Variants in PRKG1 observed in about 807,000 individuals in gnomAD.
The protein encoded by PRKG1 is cGMP-dependent protein kinase 1.
PRKG1 carries 35 observed loss-of-function variants against 88.1 expected under a neutral mutation model. The observed-to-expected ratio is 0.40, with a 90% CI of 0.30 to 0.53. PRKG1 has a LOEUF of 0.53. Among genes scored for constraint, PRKG1 ranks in the 20% least tolerant of loss-of-function variants. PRKG1 has a pLI of 0.59. For synonymous variants in PRKG1, 303 were observed against 292.5 expected, an observed-to-expected ratio of 1.04 and a Z score of -0.37; for missense variants, 540 against 839.8, an observed-to-expected ratio of 0.64 and a Z score of 4.41.
At chr10:52,074,780 C>T (rs944789369) in intron 7 of PRKG1, among the ~76,000 whole-genome samples, 8 of 152,124 alleles carry the variant, frequency 5.3e-5, no homozygotes, top group African/African-American at 1.9e-4. Context: ...ACTTCTGATG[C>T]CTACAAAAGA....
intron 3 of PRKG1, among the ~76,000 whole-genome samples, chr10:51,566,213 C>T (rs1488347049): frequency 6.6e-6 from 1 of 152,068 alleles, no homozygotes; most frequent in Admixed American, 6.6e-5. Flanking sequence ...AGACTTGGCA[C>T]TTGACTATGA....
chr10:51,862,511 G>A (rs1349624045), intron 4 of PRKG1, among the ~76,000 whole-genome samples: 2 of 152,152 alleles, frequency 1.3e-5, no homozygotes, highest in African/African-American at 2.4e-5. Context: ...CCCTCTGTGT[G>A]AGAAGGGGCC....
intron 4 of PRKG1, among the ~76,000 whole-genome samples, chr10:51,847,747 A>C (rs1227498227): frequency 6.9e-6 from 1 of 145,318 alleles, no homozygotes; most frequent in African/African-American, 2.5e-5. Flanking sequence ...GTGGTAGTGC[A>C]TGCCTGTAGT....
At chr10:51,895,447 T>A (rs1841820128) in intron 4 of PRKG1, among the ~76,000 whole-genome samples, 1 of 152,076 alleles carries the variant, frequency 6.6e-6, no homozygotes, top group Non-Finnish European at 1.5e-5. Context: ...ATGGGCCTGT[T>A]TCCCAGGCTT....
chr10:51,189,510 C>A (rs530783996), intron 2 of PRKG1, among the ~76,000 whole-genome samples: 1 of 151,872 alleles, frequency 6.6e-6, no homozygotes, highest in African/African-American at 2.4e-5. Flanking sequence ...GCCCATGGAG[C>A]TCACCCATAT....
At chr10:51,710,497 A>T (rs1013378984) in intron 3 of PRKG1, among the ~76,000 whole-genome samples, 80 of 152,182 alleles carry the variant, frequency 5.3e-4, no homozygotes, top group African/African-American at 1.9e-3. Context: ...CTCCTCACAC[A>T]CCCCTTCATC....
At chr10:51,168,055 T>C (rs1846596919) in intron 2 of PRKG1, among the ~76,000 whole-genome samples, 1 of 152,192 alleles carries the variant, frequency 6.6e-6, no homozygotes, top group African/African-American at 2.4e-5. Flanking sequence ...TATTTTCAAT[T>C]CTTTATGAGA....
intron 14 of PRKG1, among the ~76,000 whole-genome samples, chr10:52,287,287 T>G (rs1442177031): frequency 1.3e-5 from 2 of 152,056 alleles, no homozygotes; most frequent in Non-Finnish European, 2.9e-5. Flanking sequence ...TTTGCATGTT[T>G]ATACATTTTT....
chr10:51,919,721 T>C (rs1005091569), intron 5 of PRKG1, among the ~76,000 whole-genome samples: 1 of 152,052 alleles, frequency 6.6e-6, no homozygotes, highest in Non-Finnish European at 1.5e-5. Context: ...TACTCTATCC[T>C]GTTTGTTGTT....
chr10:51,426,485 A>G (rs1358286807), intron 2 of PRKG1, among the ~76,000 whole-genome samples: 1 of 152,200 alleles, frequency 6.6e-6, no homozygotes, highest in Non-Finnish European at 1.5e-5. Flanking sequence ...ATAAAAGAGC[A>G]TTATATACTA....
At chr10:51,257,401 C>G (rs577529185) in intron 2 of PRKG1, among the ~76,000 whole-genome samples, 119 of 152,222 alleles carry the variant, frequency 7.8e-4, no homozygotes, top group African/African-American at 2.8e-3. Context: ...ACATGTTTAT[C>G]TCAATACATA....
intron 9 of PRKG1, among the ~76,000 whole-genome samples, chr10:52,246,226 G>C (rs181346025): frequency 6.6e-6 from 1 of 152,198 alleles, no homozygotes; most frequent in African/African-American, 2.4e-5. Context: ...TGAATAATAA[G>C]GGACACTTGA....
At chr10:52,083,466 G>T (rs569534497) in intron 7 of PRKG1, among the ~76,000 whole-genome samples, 96 of 152,082 alleles carry the variant, frequency 6.3e-4, no homozygotes, top group African/African-American at 2.2e-3. Flanking sequence ...TATGTGATCC[G>T]GAACACTTTA....
At chr10:52,258,374 A>G (rs1295202348) in intron 10 of PRKG1, among the ~76,000 whole-genome samples, 3 of 141,008 alleles carry the variant, frequency 2.1e-5, no homozygotes, top group African/African-American at 7.4e-5. Context: ...TCCAAGAAAT[A>G]TTATTTCTTT....
At chr10:51,005,195 G>C (rs1842929046) in intron 1 of PRKG1, among the ~76,000 whole-genome samples, 1 of 152,022 alleles carries the variant, frequency 6.6e-6, no homozygotes, top group African/African-American at 2.4e-5. Context: ...AATCATTTTG[G>C]GGGAGGAGGA....
At chr10:51,957,727 G>A (rs1413599569) in intron 5 of PRKG1, among the ~76,000 whole-genome samples, 1 of 152,132 alleles carries the variant, frequency 6.6e-6, no homozygotes, top group Non-Finnish European at 1.5e-5. Flanking sequence ...TACAAAATAT[G>A]TGTTCAATTC....
At chr10:51,544,170 A>G (rs373982621) in intron 3 of PRKG1, among the ~76,000 whole-genome samples, 1 of 151,186 alleles carries the variant, frequency 6.6e-6, no homozygotes, top group African/African-American at 2.4e-5. Context: ...TGACATTTAC[A>G]TTAGGTTTTT....
chr10:51,783,264 A>G (rs1287563305), intron 3 of PRKG1, among the ~76,000 whole-genome samples: 3 of 151,980 alleles, frequency 2.0e-5, no homozygotes, highest in East Asian at 1.9e-4. Flanking sequence ...CCTTAGACCA[A>G]TGGCTCTTTT....
At chr10:51,707,724 T>C (rs1162551126) in intron 3 of PRKG1, among the ~76,000 whole-genome samples, 3 of 152,172 alleles carry the variant, frequency 2.0e-5, no homozygotes, top group Non-Finnish European at 4.4e-5. Context: ...CCTATATTTG[T>C]ACCAAGTTAC....
Sources: gnomAD v4.1 joint callset for allele counts (sites outside exome capture counted in the v4.1 genomes callset) on GRCh38, gnomAD v4.1.1 for gene constraint, MANE v1.5 for transcripts, NCBI Gene and HGNC (gene_info 2026-07-23, HGNC 2026-07-21) for gene names.